SYP: variants seen among roughly 807,000 people sequenced by gnomAD.
SYP encodes the protein major synaptic vesicle protein P38.
In SYP, 2 loss-of-function variants were observed where a neutral mutation model predicts 24.3. That is an observed-to-expected ratio of 0.08 (90% confidence interval 0.03 to 0.26). The LOEUF (loss-of-function observed/expected upper bound fraction) is 0.26, where lower values mean the gene tolerates loss of function less well. Among genes scored for constraint, SYP ranks in the 10% least tolerant of loss-of-function variants. The pLI, the probability that SYP is intolerant of heterozygous loss-of-function variation, is 1.00. For missense variants in SYP, 216 were observed against 266.3 expected, an observed-to-expected ratio of 0.81 and a Z score of 1.32; for synonymous variants, 143 against 123.2, an observed-to-expected ratio of 1.16 and a Z score of -1.07.
intron 3 of SYP, 74 bp from the exon 4 acceptor site, chrX:49,194,435 C>A: frequency 9.6e-7 from 1 of 1,045,431 alleles, no homozygotes; most frequent in Non-Finnish European, 1.3e-6. Flanking sequence ...TCATGGGTCC[C>A]CCCATTTCTG....
intron 5 of SYP, among the ~76,000 whole-genome samples, chrX:49,192,368 T>C (rs1175301572): frequency 8.9e-6 from 1 of 111,923 alleles, no homozygotes; most frequent in East Asian, 2.8e-4. Context: ...TAATTTTGTA[T>C]TTTTAGTAGA....
At chrX:49,198,768 C>G (rs1448307075) in intron 2 of SYP, 200 bp downstream of exon 2, 4 of 475,750 alleles carry the variant, frequency 8.4e-6, no homozygotes, top group Non-Finnish European at 1.5e-5. Flanking sequence ...CGGGGGTACC[C>G]TCAGCCCTAT....
rs782138862 is a variant in SYP at position 49,191,526 on chromosome X, C to T, written c.853G>A (p.Gly285Ser). Residue 285 changes from glycine (G) to serine (S), a missense_variant, in exon 6 of 7, where the codon GGT becomes AGT. Physicochemically the swap from Gly to Ser is moderately conservative, Grantham distance 56 (BLOSUM62 0). Transcript: ENST00000263233. ...QPDYGQPAGS[G>S]GSGYGPQGDY... ...CCCTGAGGCCCGTAGCCACTGCCAC[C>T]GCTGCCGGCTGGTTGACCATAGTCA... is the stretch of plus-strand genomic sequence containing the variant. 8 of 1,210,067 alleles carry T rather than the reference C, an allele frequency of 6.6e-6. No homozygotes were observed. Among genetic ancestry groups the T allele is most frequent in the Middle Eastern group, 4.6e-4 (2 of 4,358 alleles).
Position 49,194,326 on chromosome X carries a change from C to G in SYP, c.263G>C (p.Arg88Pro). Residue 88 changes from arginine (R) to proline (P), a missense_variant, in exon 4 of 7, where the codon CGA becomes CCA. Physicochemically the swap from Arg to Pro is moderately radical, Grantham distance 103 (BLOSUM62 -2). Around this residue, in one of 2 missense-constraint regions of SYP, gnomAD observed 102 missense variants for 158.4 expected, o/e 0.64. Transcript: ENST00000263233. ...HQVYFDAPTC[R>P]GGTTKVFLVG... is the part of the protein sequence containing the mutation. ...TAAGAAGACCTTGGTGGTGCCCCCTCGGCAGGTGGGTGCATCAAAGTACAC... is the reference window on the plus strand; with the variant it reads ...TAAGAAGACCTTGGTGGTGCCCCCTGGGCAGGTGGGTGCATCAAAGTACAC... The G allele has an allele frequency of 1.7e-6, 2 of 1,211,239 alleles. No homozygotes were observed. The highest frequency in any genetic ancestry group is 2.2e-6 in the Non-Finnish European group (2 of 895,388).
intron 5 of SYP, among the ~76,000 whole-genome samples, chrX:49,192,028 AC>A (rs2065511628): frequency 8.9e-6 from 1 of 112,772 alleles, no homozygotes; most frequent in Admixed American, 9.3e-5. Context: ...TTGCACATAT[AC>A]ACATTATATA....
At position 49,191,795 on chromosome X, in the gene SYP, C is replaced by T. The variant is rs782745068; in HGVS notation, c.616-32G>A. ...GGAGACAAGGCTCGGCTGTGGTACC[C>T]CGCCCATTGCCTTGGCGGCCCTGCG... On this transcript the variant is annotated intron_variant, in intron 5 of 6. Transcript: ENST00000263233. 6.8e-6 allele frequency: 8 copies of T among 1,171,916 alleles called. No individual in the cohort carries two copies. In the Admixed American group the frequency reaches 1.6e-4, roughly 24 times the overall value.
chrX:49,192,490 G>A (rs1557102889), intron 5 of SYP, among the ~76,000 whole-genome samples: 1 of 112,669 alleles, frequency 8.9e-6, no homozygotes, highest in Non-Finnish European at 1.9e-5. Context: ...ACCGCACCCG[G>A]CCACATAAAG....
chrX:49,188,597 T>G lies in SYP; in HGVS notation c.*690A>C, dbSNP rs1557102267. The G allele has an allele frequency of 9.0e-6, 1 of 111,194 alleles. No individual in the cohort carries two copies. Among genetic ancestry groups the G allele is most frequent in the African/African-American group, 3.3e-5 (1 of 30,402 alleles). The allele number at this position is 111,194 out of a possible 1,213,427, so 9.2% of individuals were successfully genotyped here. A position where few individuals can be genotyped will look rare whatever the true frequency, so the allele number is the denominator to read the frequency against. On this transcript the variant is annotated 3_prime_UTR_variant, in exon 7 of 7. Transcript: ENST00000263233. ...CCACCTACTCTGGAGCCCACCATTC[T>G]GCCTCGCTTAAAGCCTCGCCCCTTC...
rs2065532155 is a variant in SYP, at chrX:49,197,354, C to T, written c.227+361G>A. 3 of 199,338 alleles carry T rather than the reference C, an allele frequency of 1.5e-5. No homozygotes were observed. In the South Asian group the frequency reaches 3.2e-4, roughly 22 times the overall value. The allele number at this position is 199,338 out of a possible 1,213,427, so 16.4% of individuals were successfully genotyped here. On this transcript the variant is annotated intron_variant, in intron 3 of 6. Coordinates refer to ENST00000263233, the MANE Select transcript of SYP (RefSeq NM_003179.3). ...TAGTACCAGATATAAAATAAGTTCTCAAAAATGTGTATAGAATGAATGAAT... is the reference window on the plus strand; with the variant it reads ...TAGTACCAGATATAAAATAAGTTCTTAAAAATGTGTATAGAATGAATGAAT...
At chrX:49,198,060 C>T (rs1557103535) in intron 2 of SYP, 3 of 439,701 alleles carry the variant, frequency 6.8e-6, no homozygotes, top group South Asian at 3.4e-5. Context: ...CTGTCTCTGC[C>T]TTTCCATGCT....
At chrX:49,199,442 A>G (rs1602614271) in intron 1 of SYP, among the ~76,000 whole-genome samples, 1 of 96,889 alleles carries the variant, frequency 1.0e-5, no homozygotes, top group Non-Finnish European at 2.1e-5. Flanking sequence ...AGGTGGGGGA[A>G]GGGTCTGCAG....
At chrX:49,199,355 A>T in intron 1 of SYP, 6 of 197,748 alleles carry the variant, frequency 3.0e-5, no homozygotes, top group Non-Finnish European at 3.6e-5. Flanking sequence ...GAGAATGGGG[A>T]TGGAGTGGGG....
At chrX:49,191,238 T>C (rs1353407333) in intron 6 of SYP, 195 bp downstream of exon 6, 2 of 488,010 alleles carry the variant, frequency 4.1e-6, no homozygotes, top group Non-Finnish European at 7.1e-6. Context: ...ACCATTCTTC[T>C]TTTCTCCATT....
chrX:49,193,568 C>A (rs781908019), intron 4 of SYP, 105 bp from the exon 5 acceptor site: 222 of 928,138 alleles, frequency 2.4e-4, no homozygotes, highest in Admixed American at 1.3e-3. Context: ...GCCTGTCTCT[C>A]CCCTGCCTTT....
At chrX:49,192,805 A>T (rs1054655015) in intron 5 of SYP, among the ~76,000 whole-genome samples, 2 of 111,853 alleles carry the variant, frequency 1.8e-5, no homozygotes, top group Non-Finnish European at 3.8e-5. Context: ...TTGGAGCAGG[A>T]CCTATTATTA....
rs868944541 is a variant in SYP, at chrX:49,194,722, T to G, written c.228-361A>C. On this transcript the variant is annotated intron_variant, in intron 3 of 6. Coordinates refer to ENST00000263233, the MANE Select transcript of SYP (RefSeq NM_003179.3). ...TCATCTCCTTTTTTTTTTTTTTTTT[T>G]TTTTTGAGATGGAGTCTTGCTCTGT... Among the ~76,000 whole-genome samples, 22 of 95,111 alleles carry G rather than the reference T, an allele frequency of 2.3e-4. 1 individual carries two copies. The highest frequency in any genetic ancestry group is 8.5e-4 in the African/African-American group (22 of 25,772). 82.6% of individuals were successfully genotyped at this position (95,111 alleles called of 115,157 possible). A position where few individuals can be genotyped will look rare whatever the true frequency, so the allele number is the denominator to read the frequency against.
At chrX:49,195,633 G>C (rs2065526140) in intron 3 of SYP, among the ~76,000 whole-genome samples, 1 of 111,101 alleles carries the variant, frequency 9.0e-6, no homozygotes, top group African/African-American at 3.3e-5. Context: ...ATGGAGGAGA[G>C]GTGGGGGTTG....
intron 2 of SYP, 152 bp from the exon 3 acceptor site, chrX:49,197,991 G>A: frequency 1.4e-6 from 1 of 690,434 alleles, no homozygotes; most frequent in South Asian, 2.6e-5. Context: ...TCGGGACCAA[G>A]GACAAGCTGA....
Position 49,194,076 on chromosome X carries a change from C to A in SYP, c.423+90G>T, listed in dbSNP as rs993272636. 111 of 1,071,564 alleles carry A rather than the reference C, an allele frequency of 1.0e-4. 1 individual carries two copies. The African/African-American group carries it at 1.8e-3, about 18-fold the overall frequency. The allele number at this position is 1,071,564 out of a possible 1,213,427, so 88.3% of individuals were successfully genotyped here. The stretch of plus-strand genomic sequence containing the variant: ...GGTGGCTGTTTGCATGTGGGCCTGT[C>A]TGGGATTTGGTGTGGTCTGTGAGCA... On this transcript the variant is annotated intron_variant, in intron 4 of 6. Coordinates refer to ENST00000263233, the MANE Select transcript of SYP (RefSeq NM_003179.3).
Sources: gnomAD v4.1 joint callset for allele counts (sites outside exome capture counted in the v4.1 genomes callset) on GRCh38, gnomAD v4.1.1 for gene constraint, gnomAD v4.1.1 regional missense constraint, MANE v1.5 for transcripts, NCBI Gene and HGNC (gene_info 2026-07-23, HGNC 2026-07-21) for gene names.